Variants in LINGO2 observed in about 807,000 individuals in gnomAD.
LINGO2 encodes leucine rich repeat and Ig domain containing 2.
LINGO2 carries 14 observed loss-of-function variants against 30.6 expected under a neutral mutation model. The ratio of observed to expected loss-of-function variants is 0.46; its 90% CI spans 0.30 to 0.72. LINGO2 has a LOEUF of 0.72. Ranked by LOEUF, LINGO2 falls within the 30% of genes least tolerant of loss-of-function variation. LINGO2 has a pLI of 0.07. For synonymous variants in LINGO2, 317 were observed against 288.5 expected (o/e 1.10, Z -1.00); for missense variants, 729 against 751.7 (o/e 0.97, Z 0.35).
the LINGO2 span, among the ~76,000 whole-genome samples, chr9:28,993,387 CAA>C: frequency 6.6e-6 from 1 of 152,074 alleles, no homozygotes; most frequent in Non-Finnish European, 1.5e-5. Context: ...GCTTACCATC[CAA>C]AAAGAGTCCA....
the LINGO2 span, among the ~76,000 whole-genome samples, chr9:28,691,833 A>G: frequency 2.0e-5 from 3 of 152,212 alleles, no homozygotes; most frequent in African/African-American, 4.8e-5. Context: ...AATTCCTACT[A>G]TATGCCAAAG....
chr9:29,021,529 C>G, the LINGO2 span, among the ~76,000 whole-genome samples: 1 of 151,960 alleles, frequency 6.6e-6, no homozygotes, highest in Non-Finnish European at 1.5e-5. Flanking sequence ...TGGTGGTGGG[C>G]ACCTATAATT....
chr9:28,103,503 C>G (rs184849531), intron 4 of LINGO2, among the ~76,000 whole-genome samples: 1 of 152,216 alleles, frequency 6.6e-6, no homozygotes, highest in Admixed American at 6.5e-5. Flanking sequence ...GGTTAGCTTG[C>G]TGGAAGATGA....
the LINGO2 span, among the ~76,000 whole-genome samples, chr9:28,944,227 G>A: frequency 6.6e-6 from 1 of 152,122 alleles, no homozygotes; most frequent in Non-Finnish European, 1.5e-5. Flanking sequence ...AGAAAGAGAA[G>A]CAGACATTCA....
intron 1 of LINGO2, among the ~76,000 whole-genome samples, chr9:28,516,161 A>C (rs1337844600): frequency 2.0e-5 from 3 of 152,204 alleles, no homozygotes; most frequent in Non-Finnish European, 4.4e-5. Flanking sequence ...CATAACTTTT[A>C]TATGTACTGG....
intron 4 of LINGO2, among the ~76,000 whole-genome samples, chr9:28,267,381 G>A (rs959277669): frequency 2.1e-4 from 32 of 151,848 alleles, no homozygotes; most frequent in African/African-American, 6.8e-4. Flanking sequence ...AAAACAAAAC[G>A]CAATAAAATA....
At chr9:28,081,541 T>C (rs1288711880) in intron 4 of LINGO2, among the ~76,000 whole-genome samples, 1 of 152,226 alleles carries the variant, frequency 6.6e-6, no homozygotes, top group Admixed American at 6.5e-5. Context: ...AATTACAATT[T>C]ATGGTCACTT....
In LINGO2 at chr9:28,344,304, G is replaced by A. The variant is rs374099904; in HGVS notation, c.-246+28532C>T. ...AGTTCAAAAGATGGGGATCATATGA[G>A]CACTAAGAAAAAATATTTCCAGCAA... On this transcript the variant is annotated intron_variant, in intron 3 of 5. Transcript: ENST00000379992. Among the ~76,000 whole-genome samples, 113 of 152,172 alleles carry A rather than the reference G, an allele frequency of 7.4e-4. 1 individual carries two copies. The highest frequency in any genetic ancestry group is 6.8e-3 in the Middle Eastern group (2 of 294).
At chr9:27,993,875 C>G (rs950835401) in intron 5 of LINGO2, among the ~76,000 whole-genome samples, 1 of 151,724 alleles carries the variant, frequency 6.6e-6, no homozygotes, top group Admixed American at 6.6e-5. Context: ...GCACCTGGAA[C>G]ATTTTGCAAT....
chr9:28,612,156 G>A (rs986846117), intron 1 of LINGO2, among the ~76,000 whole-genome samples: 1 of 152,082 alleles, frequency 6.6e-6, no homozygotes, highest in Admixed American at 6.5e-5. Flanking sequence ...CCACCTCCCA[G>A]GTTTGAGCCA....
chr9:28,954,603 A>G, the LINGO2 span, among the ~76,000 whole-genome samples: 1 of 152,200 alleles, frequency 6.6e-6, no homozygotes, highest in Non-Finnish European at 1.5e-5. Flanking sequence ...CCTTTGCACC[A>G]TCATGGAAAC....
chr9:28,984,892 T>C, the LINGO2 span, among the ~76,000 whole-genome samples: 1 of 152,104 alleles, frequency 6.6e-6, no homozygotes, highest in African/African-American at 2.4e-5. Flanking sequence ...TTTATTCTCC[T>C]AGCAATTTTG....
intron 1 of LINGO2, among the ~76,000 whole-genome samples, chr9:28,615,892 A>G (rs1031830217): frequency 1.3e-5 from 2 of 152,126 alleles, no homozygotes; most frequent in African/African-American, 4.8e-5. Flanking sequence ...ACAGGAGAGT[A>G]AAAAAAGCAG....
At chr9:28,835,803 C>T in the LINGO2 span, among the ~76,000 whole-genome samples, 4 of 152,294 alleles carry the variant, frequency 2.6e-5, no homozygotes, top group Non-Finnish European at 4.4e-5. Flanking sequence ...GTGTTCTCTA[C>T]TCCTATGGAG....
chr9:28,553,605 C>T (rs1246325917), intron 1 of LINGO2, among the ~76,000 whole-genome samples: 2 of 152,154 alleles, frequency 1.3e-5, no homozygotes, highest in African/African-American at 4.8e-5. Context: ...CTTCCTCAAC[C>T]TAGCAAGGCA....
At chr9:28,633,300 A>G (rs181240781) in intron 1 of LINGO2, among the ~76,000 whole-genome samples, 4 of 152,274 alleles carry the variant, frequency 2.6e-5, no homozygotes, top group East Asian at 1.9e-4. Flanking sequence ...AGTATTAACT[A>G]TCACAGAAGG....
At chr9:28,932,240 G>A in the LINGO2 span, among the ~76,000 whole-genome samples, 14 of 151,998 alleles carry the variant, frequency 9.2e-5, no homozygotes, top group East Asian at 2.7e-3. Context: ...GATATATTTG[G>A]GAACATTCAT....
At chr9:29,093,467 C>A in the LINGO2 span, among the ~76,000 whole-genome samples, 7 of 134,084 alleles carry the variant, frequency 5.2e-5, 2 homozygotes, top group Non-Finnish European at 9.6e-5. Context: ...AACACTTTCC[C>A]ATATACTATC....
the LINGO2 span, among the ~76,000 whole-genome samples, chr9:29,110,777 G>A: frequency 4.6e-4 from 70 of 150,954 alleles, no homozygotes; most frequent in African/African-American, 1.7e-3. Context: ...TGCAAGCTCC[G>A]CCTCCCGGGT....
Sources: allele counts gnomAD v4.1 joint callset (sites outside exome capture counted in the v4.1 genomes callset), GRCh38; gene constraint gnomAD v4.1.1; transcripts MANE v1.5; gene names NCBI Gene and HGNC (gene_info 2026-07-23, HGNC 2026-07-21).